The following TNRC6B variants were observed in gnomAD, a reference collection of about 807,000 sequenced individuals.
The protein encoded by TNRC6B is trinucleotide repeat containing adaptor 6B, also known as trinucleotide repeat-containing gene 6B protein.
In TNRC6B, 52 loss-of-function variants were observed where a neutral mutation model predicts 203.6. That is an observed-to-expected ratio of 0.26 (90% CI 0.20 to 0.32). TNRC6B has a LOEUF of 0.32. TNRC6B is among the 10% of genes least tolerant of loss of function. TNRC6B has a pLI of 1.00. For synonymous variants in TNRC6B, 838 were observed against 845.7 expected (o/e 0.99, Z 0.16); for missense variants, 1,923 against 2,286.2 (o/e 0.84, Z 3.24).
At chr22:40,311,908 G>A (rs1366102893) in intron 17 of TNRC6B, among the ~76,000 whole-genome samples, 1 of 151,980 alleles carries the variant, frequency 6.6e-6, no homozygotes, top group African/African-American at 2.4e-5. Flanking sequence ...ATCACGATTT[G>A]GAAAATAAAA....
intron 15 of TNRC6B, 121 bp from the exon 16 acceptor site, chr22:40,308,391 C>T: frequency 8.7e-7 from 1 of 1,153,554 alleles, no homozygotes; most frequent in Non-Finnish European, 1.3e-6. Flanking sequence ...ATACCTGTTT[C>T]TGAGTGGAGA....
chr22:40,267,841 G>C (rs947614383), intron 5 of TNRC6B, among the ~76,000 whole-genome samples: 1 of 151,776 alleles, frequency 6.6e-6, no homozygotes, highest in East Asian at 1.9e-4. Context: ...CTGCACTCCA[G>C]TTTGGGAGAC....
At chr22:40,163,398 A>C (rs2068887331) in intron 4 of TNRC6B, among the ~76,000 whole-genome samples, 1 of 91,984 alleles carries the variant, frequency 1.1e-5, no homozygotes, top group South Asian at 3.8e-4. Flanking sequence ...ACCCTGTCTC[A>C]AAAAAAAAAA....
At chr22:40,195,734 A>G (rs1174507614) in intron 1 of TNRC6B, among the ~76,000 whole-genome samples, 2 of 151,866 alleles carry the variant, frequency 1.3e-5, no homozygotes, top group African/African-American at 4.8e-5. Context: ...GATTATAGGC[A>G]TGAGCCACCA....
intron 2 of TNRC6B, among the ~76,000 whole-genome samples, chr22:40,123,744 A>G (rs375876537): frequency 3.9e-5 from 6 of 152,204 alleles, no homozygotes; most frequent in East Asian, 1.9e-4. Flanking sequence ...TGGTTCAGCT[A>G]TGCCTATAAT....
chr22:40,152,550 G>C (rs984177526), intron 3 of TNRC6B, among the ~76,000 whole-genome samples: 4 of 152,016 alleles, frequency 2.6e-5, no homozygotes, highest in African/African-American at 7.2e-5. Context: ...GGATGGTCTC[G>C]ATCTCCTGAC....
chr22:40,107,513 A>G (rs2146310150), intron 1 of TNRC6B, among the ~76,000 whole-genome samples: 1 of 152,304 alleles, frequency 6.6e-6, no homozygotes, highest in South Asian at 2.1e-4. Context: ...GTTTACTAAA[A>G]AATAAAAAAA....
chr22:40,238,042 C>T (rs1467422269), intron 1 of TNRC6B, among the ~76,000 whole-genome samples: 3 of 152,128 alleles, frequency 2.0e-5, no homozygotes, highest in Non-Finnish European at 4.4e-5. Flanking sequence ...TGAGGCTGTT[C>T]TTTAAACGCA....
intron 1 of TNRC6B, among the ~76,000 whole-genome samples, chr22:40,193,315 C>G (rs1399871031): frequency 2.0e-5 from 3 of 152,256 alleles, no homozygotes; most frequent in African/African-American, 7.2e-5. Flanking sequence ...TGCTCAGTGA[C>G]CATTTGTTGA....
chr22:40,253,532 C>G, intron 3 of TNRC6B: 1 of 452,974 alleles, frequency 2.2e-6, no homozygotes, highest in Non-Finnish European at 4.4e-6. Flanking sequence ...TGGGGGCTTT[C>G]TCATACCTAC....
At chr22:40,242,315 A>T (rs2070041401) in intron 1 of TNRC6B, among the ~76,000 whole-genome samples, 1 of 152,214 alleles carries the variant, frequency 6.6e-6, no homozygotes, top group Non-Finnish European at 1.5e-5. Context: ...AGTTCACGTC[A>T]ATAACTAATT....
At chr22:40,219,399 T>C (rs2069677935) in intron 1 of TNRC6B, among the ~76,000 whole-genome samples, 1 of 152,054 alleles carries the variant, frequency 6.6e-6, no homozygotes, top group African/African-American at 2.4e-5. Context: ...GGCTTGGGAA[T>C]GAAGACAGGA....
At chr22:40,171,485 T>C (rs2068998159) in intron 4 of TNRC6B, among the ~76,000 whole-genome samples, 1 of 152,124 alleles carries the variant, frequency 6.6e-6, no homozygotes, top group African/African-American at 2.4e-5. Context: ...TAACAATGAA[T>C]GGGACTGCTG....
intron 12 of TNRC6B, among the ~76,000 whole-genome samples, chr22:40,297,583 GGA>G (rs1453518516): frequency 6.6e-6 from 1 of 152,180 alleles, no homozygotes; most frequent in East Asian, 1.9e-4. Context: ...CAATACTTCG[GGA>G]GGCCAAGGCG....
intron 3 of TNRC6B, chr22:40,253,453 T>G (rs766931881): frequency 1.0e-4 from 43 of 428,282 alleles, no homozygotes; most frequent in Admixed American, 4.8e-4. Flanking sequence ...AACACACTCT[T>G]CTTTCCTCTA....
intron 4 of TNRC6B, among the ~76,000 whole-genome samples, chr22:40,170,290 A>G (rs1372526922): frequency 8.0e-6 from 1 of 125,668 alleles, no homozygotes; most frequent in Non-Finnish European, 1.6e-5. Context: ...GGGGGAAAAA[A>G]ATATATATAT....
rs371286055 is a variant in TNRC6B at position 40,273,689 on chromosome 22, A to G, written c.3141+89A>G. 112 of 1,394,708 alleles carry G rather than the reference A, an allele frequency of 8.0e-5. 1 individual carries two copies. In the East Asian group the frequency reaches 1.8e-3, roughly 23 times the overall value. 86.4% of individuals were successfully genotyped at this position (1,394,708 alleles called of 1,614,324 possible). A position where few individuals can be genotyped will look rare whatever the true frequency, so the allele number is the denominator to read the frequency against. On this transcript the variant is annotated intron_variant, in intron 7 of 22. Transcript: ENST00000454349. Reference sequence around the variant, plus strand: ...TTTTGTTTGTTTTTGTTTTGAGACAAGTTCTCCCTCTGTCACCCAGACTGG... The same window carrying G: ...TTTTGTTTGTTTTTGTTTTGAGACAGGTTCTCCCTCTGTCACCCAGACTGG...
intron 1 of TNRC6B, among the ~76,000 whole-genome samples, chr22:40,181,648 TAAAG>T (rs1294489268): frequency 1.3e-5 from 2 of 152,158 alleles, no homozygotes; most frequent in Admixed American, 6.5e-5. Context: ...TAAAATTTCT[TAAAG>T]AAGCCAAATA....
intron 1 of TNRC6B, among the ~76,000 whole-genome samples, chr22:40,215,792 T>C (rs2069626853): frequency 6.6e-6 from 1 of 152,360 alleles, no homozygotes. Context: ...GTTAAGATGA[T>C]GAGTGTGATT....
Sources: gnomAD v4.1 joint callset for allele counts (sites outside exome capture counted in the v4.1 genomes callset) on GRCh38, gnomAD v4.1.1 for gene constraint, MANE v1.5 for transcripts, NCBI Gene and HGNC (gene_info 2026-07-23, HGNC 2026-07-21) for gene names.